The following SH2D4B variants were observed in gnomAD, a reference collection of about 807,000 sequenced individuals.
The protein encoded by SH2D4B is SH2 domain-containing protein 4B.
In SH2D4B, 45 loss-of-function variants were observed where a neutral mutation model predicts 61.5. The observed-to-expected ratio is 0.73, with a 90% CI of 0.58 to 0.94. The LOEUF (loss-of-function observed/expected upper bound fraction) is 0.94, where lower values mean the gene tolerates loss of function less well. SH2D4B is among the 40% of genes least tolerant of loss of function. The probability of loss-of-function intolerance (pLI) is 0.00; values close to 1 mark genes in which losing one functional copy is unlikely to be tolerated. For missense variants in SH2D4B, 572 were observed against 574.2 expected, an observed-to-expected ratio of 1.00 and a Z score of 0.04; for synonymous variants, 224 against 220.4, an observed-to-expected ratio of 1.02 and a Z score of -0.14.
intron 1 of SH2D4B, among the ~76,000 whole-genome samples, chr10:80,544,372 G>T (rs777703403): frequency 6.6e-5 from 10 of 152,168 alleles, no homozygotes; most frequent in Non-Finnish European, 1.3e-4. Flanking sequence ...CGGATACACC[G>T]CTTTTAAGAG....
chr10:80,638,992 T>C (rs1840240605), intron 7 of SH2D4B, among the ~76,000 whole-genome samples: 1 of 152,230 alleles, frequency 6.6e-6, no homozygotes, highest in South Asian at 2.1e-4. Context: ...TGTGTCTTTG[T>C]TCTCATTGGT....
intron 3 of SH2D4B, among the ~76,000 whole-genome samples, chr10:80,587,677 T>C (rs1373736471): frequency 6.6e-6 from 1 of 152,210 alleles, no homozygotes; most frequent in Non-Finnish European, 1.5e-5. Context: ...GGGTTACGAT[T>C]GAACCCATGA....
Position 80,569,460 on chromosome 10 carries a change from C to T in SH2D4B, c.185-694C>T, listed in dbSNP as rs150679175. On this transcript the variant is annotated intron_variant, in intron 1 of 7. Coordinates refer to ENST00000646907, the MANE Select transcript of SH2D4B (RefSeq NM_001388272.1). ...ACTTTATTTCGGAGACCCAGCGAAC[C>T]GAGAAGATGGCAACTAGTGTCCTAA... Among the ~76,000 whole-genome samples the T allele has an allele frequency of 4.2e-3, 620 of 148,870 alleles. 5 individuals carry two copies. The highest frequency in any genetic ancestry group is 0.014 in the African/African-American group (584 of 40,322).
At chr10:80,561,966 T>C (rs1412827322) in intron 1 of SH2D4B, among the ~76,000 whole-genome samples, 2 of 152,128 alleles carry the variant, frequency 1.3e-5, no homozygotes, top group Non-Finnish European at 2.9e-5. Context: ...ACCTGCTTTC[T>C]ATTAAGCTGG....
intron 3 of SH2D4B, among the ~76,000 whole-genome samples, chr10:80,585,375 C>T (rs1483662113): frequency 2.0e-5 from 3 of 149,780 alleles, no homozygotes; most frequent in African/African-American, 7.4e-5. Context: ...AGTGCAATGG[C>T]GTGATCTCAG....
chr10:80,562,052 C>T (rs907098361), intron 1 of SH2D4B, among the ~76,000 whole-genome samples: 1 of 151,878 alleles, frequency 6.6e-6, no homozygotes, highest in Non-Finnish European at 1.5e-5. Flanking sequence ...CACACACACA[C>T]ACACACACAC....
At chr10:80,601,712 T>C (rs2132138336) in intron 4 of SH2D4B, among the ~76,000 whole-genome samples, 1 of 152,348 alleles carries the variant, frequency 6.6e-6, no homozygotes, top group East Asian at 1.9e-4. Context: ...GATGTTCTGT[T>C]CCCAGAAAGG....
intron 1 of SH2D4B, among the ~76,000 whole-genome samples, chr10:80,561,673 C>A (rs1841903870): frequency 1.3e-5 from 2 of 151,996 alleles, no homozygotes; most frequent in Non-Finnish European, 2.9e-5. Context: ...CACTAAGGTA[C>A]CCTGATCAAA....
chr10:80,613,190 A>G (rs1487256708), intron 6 of SH2D4B, among the ~76,000 whole-genome samples: 1 of 152,206 alleles, frequency 6.6e-6, no homozygotes, highest in Non-Finnish European at 1.5e-5. Flanking sequence ...CCTGGGTTAC[A>G]AAGAGTGATA....
At chr10:80,614,821 G>T (rs898098975) in intron 6 of SH2D4B, among the ~76,000 whole-genome samples, 6 of 152,242 alleles carry the variant, frequency 3.9e-5, no homozygotes, top group Non-Finnish European at 7.3e-5. Context: ...CAGGGTAGGT[G>T]CCTGGGAGTC....
At chr10:80,572,840 G>C (rs1047422636) in intron 3 of SH2D4B, among the ~76,000 whole-genome samples, 1 of 147,168 alleles carries the variant, frequency 6.8e-6, no homozygotes, top group Non-Finnish European at 1.5e-5. Context: ...GGCTGGTCTC[G>C]AACTCCTGAC....
intron 6 of SH2D4B, among the ~76,000 whole-genome samples, chr10:80,625,872 C>G (rs1229703634): frequency 6.6e-6 from 1 of 152,116 alleles, no homozygotes; most frequent in Non-Finnish European, 1.5e-5. Flanking sequence ...CCATGCCTGG[C>G]CTGTTTTTGA....
rs775254268 is a variant in SH2D4B, at chr10:80,571,587, G to A, written c.495+9G>A. ...TCCACGAGGAATTCAAGGTGGGCCA[G>A]CGCATGGGGCCCCTGCGTGCGGCCA... is the stretch of plus-strand genomic sequence containing the variant. On this transcript the variant is annotated intron_variant, in intron 3 of 7. Coordinates refer to ENST00000646907, the MANE Select transcript of SH2D4B (RefSeq NM_001388272.1). The A allele has an allele frequency of 2.2e-5, 36 of 1,613,016 alleles. No individual in the cohort carries two copies. The highest frequency in any genetic ancestry group is 3.0e-5 in the Non-Finnish European group (35 of 1,179,862).
intron 1 of SH2D4B, among the ~76,000 whole-genome samples, chr10:80,543,235 G>A (rs1323875194): frequency 1.3e-5 from 2 of 152,186 alleles, no homozygotes; most frequent in Non-Finnish European, 2.9e-5. Context: ...CAAGGCCGGA[G>A]CCGGCTCCCT....
intron 6 of SH2D4B, among the ~76,000 whole-genome samples, chr10:80,630,938 C>T (rs1842825520): frequency 6.6e-6 from 1 of 152,190 alleles, no homozygotes; most frequent in Non-Finnish European, 1.5e-5. Context: ...GGGGAAGCTG[C>T]TCAAGGGTTT....
In SH2D4B at chr10:80,599,396, G is replaced by A. The variant is rs573458138; in HGVS notation, c.644-4183G>A. ...GAACTCTAGGTGCCACATATTTTTGGTGTTATAACTCAGAATAATGCTAGC... is the reference window on the plus strand; with the variant it reads ...GAACTCTAGGTGCCACATATTTTTGATGTTATAACTCAGAATAATGCTAGC... On this transcript the variant is annotated intron_variant, in intron 4 of 7. Transcript: ENST00000646907. 5.7e-4 allele frequency among the ~76,000 whole-genome samples: 87 copies of A among 152,254 alleles called. 1 individual carries two copies. The highest frequency in any genetic ancestry group is 2.8e-3 in the Admixed American group (43 of 15,290).
chr10:80,608,363 T>C (rs945247465), intron 5 of SH2D4B, among the ~76,000 whole-genome samples: 1 of 152,058 alleles, frequency 6.6e-6, no homozygotes, highest in Non-Finnish European at 1.5e-5. Context: ...GGTCTTGGCC[T>C]CCCAAAGTGC....
chr10:80,566,094 A>C (rs1841965042), intron 1 of SH2D4B, among the ~76,000 whole-genome samples: 1 of 135,576 alleles, frequency 7.4e-6, no homozygotes, highest in Non-Finnish European at 1.5e-5. Flanking sequence ...CCGGCTCAAA[A>C]AAAAAAAAAA....
intron 6 of SH2D4B, among the ~76,000 whole-genome samples, chr10:80,621,953 C>T (rs1331765076): frequency 6.6e-6 from 1 of 152,154 alleles, no homozygotes; most frequent in African/African-American, 2.4e-5. Context: ...AATCTCCTGA[C>T]CTCATGATCC....
Sources: gnomAD v4.1 joint callset for allele counts (sites outside exome capture counted in the v4.1 genomes callset) on GRCh38, gnomAD v4.1.1 for gene constraint, MANE v1.5 for transcripts, NCBI Gene and HGNC (gene_info 2026-07-23, HGNC 2026-07-21) for gene names.